Variants in ZC3H12B observed in about 807,000 individuals in gnomAD.
ZC3H12B encodes the protein zinc finger CCCH-type containing 12B, also known as probable ribonuclease ZC3H12B.
Under a neutral mutation model 43.9 loss-of-function variants are expected in ZC3H12B, and 7 were observed. The observed-to-expected ratio is 0.16, with a 90% CI of 0.09 to 0.30. The LOEUF (loss-of-function observed/expected upper bound fraction) is 0.30. Ranked by LOEUF, ZC3H12B falls within the 10% of genes least tolerant of loss-of-function variation. The probability of loss-of-function intolerance (pLI) is 1.00; values close to 1 mark genes in which losing one functional copy is unlikely to be tolerated. For synonymous variants in ZC3H12B, 222 were observed against 241.7 expected (o/e 0.92, Z 0.76); for missense variants, 475 against 670.2 (o/e 0.71, Z 3.22).
the ZC3H12B span, among the ~76,000 whole-genome samples, chrX:65,249,149 C>T: frequency 1.8e-5 from 2 of 111,368 alleles, no homozygotes; most frequent in Non-Finnish European, 3.8e-5. Context: ...TTATAAAATC[C>T]TTGCCTAAAC....
the ZC3H12B span, among the ~76,000 whole-genome samples, chrX:65,277,847 A>G: frequency 9.0e-6 from 1 of 111,522 alleles, no homozygotes; most frequent in Non-Finnish European, 1.9e-5. Context: ...TAGTAGAAGG[A>G]AGGAGCTAAT....
chrX:65,258,415 C>T, the ZC3H12B span, among the ~76,000 whole-genome samples: 3 of 111,717 alleles, frequency 2.7e-5, no homozygotes, highest in Non-Finnish European at 5.6e-5. Flanking sequence ...AAGGAACATA[C>T]TTCTAAATAA....
chrX:65,080,387 C>T, the ZC3H12B span, among the ~76,000 whole-genome samples: 1 of 110,239 alleles, frequency 9.1e-6, no homozygotes, highest in Non-Finnish European at 1.9e-5. Flanking sequence ...GTTTATAGAA[C>T]ACCAAGAAGA....
the ZC3H12B span, among the ~76,000 whole-genome samples, chrX:65,196,283 G>A: frequency 9.1e-6 from 1 of 110,115 alleles, no homozygotes; most frequent in Non-Finnish European, 1.9e-5. Context: ...CATGAGGAAA[G>A]CTATGAAGGA....
intron 3 of ZC3H12B, among the ~76,000 whole-genome samples, chrX:65,473,108 G>T (rs1198443006): frequency 1.9e-5 from 2 of 103,818 alleles, no homozygotes; most frequent in Non-Finnish European, 3.9e-5. Flanking sequence ...CTGCCTCCCG[G>T]GTTCAAGCAA....
chrX:65,313,940 G>T, the ZC3H12B span, among the ~76,000 whole-genome samples: 3 of 111,637 alleles, frequency 2.7e-5, no homozygotes, highest in Non-Finnish European at 5.7e-5. Flanking sequence ...GAAATGAATT[G>T]AAACAGCAGT....
At chrX:65,425,193 G>A (rs1266847534) in intron 3 of ZC3H12B, among the ~76,000 whole-genome samples, 13 of 111,299 alleles carry the variant, frequency 1.2e-4, no homozygotes, top group Non-Finnish European at 5.7e-5. Context: ...TCCTTTGTTA[G>A]CTCTATTCCT....
At chrX:65,180,625 C>A in the ZC3H12B span, among the ~76,000 whole-genome samples, 1 of 111,200 alleles carries the variant, frequency 9.0e-6, no homozygotes, top group Non-Finnish European at 1.9e-5. Flanking sequence ...CAATAATAGA[C>A]AAACAGAGAG....
the ZC3H12B span, among the ~76,000 whole-genome samples, chrX:65,314,442 T>G: frequency 4.4e-3 from 485 of 111,253 alleles, 3 homozygotes; most frequent in African/African-American, 0.015. Flanking sequence ...GGACAGTGAT[T>G]TAAATTACTA....
the ZC3H12B span, among the ~76,000 whole-genome samples, chrX:65,104,492 G>GA: frequency 9.0e-6 from 1 of 111,618 alleles, no homozygotes; most frequent in African/African-American, 3.3e-5. Context: ...CAGAATGGGA[G>GA]AAAATTTTTG....
At chrX:65,234,864 A>T in the ZC3H12B span, among the ~76,000 whole-genome samples, 1 of 111,340 alleles carries the variant, frequency 9.0e-6, no homozygotes, top group African/African-American at 3.3e-5. Context: ...ACTTCTCCAG[A>T]AAGGCCCCAG....
intron 3 of ZC3H12B, among the ~76,000 whole-genome samples, chrX:65,435,561 C>G (rs1007921306): frequency 9.0e-6 from 1 of 110,745 alleles, no homozygotes; most frequent in African/African-American, 3.3e-5. Context: ...TTACAAAACT[C>G]ATTCTTAAAA....
At chrX:65,076,378 A>G in the ZC3H12B span, among the ~76,000 whole-genome samples, 2 of 110,895 alleles carry the variant, frequency 1.8e-5, no homozygotes, top group Middle Eastern at 9.2e-3. Context: ...GCCTCAAGCA[A>G]TTCTTCCACC....
chrX:65,247,580 C>G, the ZC3H12B span, among the ~76,000 whole-genome samples: 3 of 112,560 alleles, frequency 2.7e-5, no homozygotes, highest in African/African-American at 9.7e-5. Flanking sequence ...AGATAATTTC[C>G]TTTTCAGGAA....
the ZC3H12B span, among the ~76,000 whole-genome samples, chrX:65,040,945 C>G: frequency 9.0e-6 from 1 of 110,962 alleles, no homozygotes; most frequent in South Asian, 3.8e-4. Context: ...CCACCACGCC[C>G]AGCTCTATTT....
At chrX:65,137,745 T>A in the ZC3H12B span, among the ~76,000 whole-genome samples, 1 of 112,869 alleles carries the variant, frequency 8.9e-6, no homozygotes, top group Admixed American at 9.3e-5. Flanking sequence ...AAGAAAAAAA[T>A]ATATGAAATA....
At chrX:65,353,410 A>T in the ZC3H12B span, among the ~76,000 whole-genome samples, 1 of 111,678 alleles carries the variant, frequency 9.0e-6, no homozygotes, top group Non-Finnish European at 1.9e-5. Context: ...AGTGAAAGGA[A>T]GAGTCAGTCG....
the ZC3H12B span, among the ~76,000 whole-genome samples, chrX:65,067,623 T>C: frequency 8.9e-6 from 1 of 112,045 alleles, no homozygotes; most frequent in Non-Finnish European, 1.9e-5. Context: ...ATTTTATTTA[T>C]TTGTATTTTC....
chrX:65,391,956 G>C (rs971446898), intron 2 of ZC3H12B, among the ~76,000 whole-genome samples: 2 of 111,642 alleles, frequency 1.8e-5, no homozygotes, highest in Non-Finnish European at 3.8e-5. Context: ...TGGTGGAGAC[G>C]GGGTTTTGCC....
Sources: gnomAD v4.1 joint callset for allele counts (sites outside exome capture counted in the v4.1 genomes callset) on GRCh38, gnomAD v4.1.1 for gene constraint, MANE v1.5 for transcripts, NCBI Gene and HGNC (gene_info 2026-07-23, HGNC 2026-07-21) for gene names.